The following YAE1 variants were observed in gnomAD, a reference collection of about 807,000 sequenced individuals.
YAE1 encodes the protein protein YAE1 homolog.
Under a neutral mutation model 23.0 loss-of-function variants are expected in YAE1, and 22 were observed. The observed-to-expected ratio is 0.96, with a 90% CI of 0.68 to 1.37. YAE1 has a LOEUF of 1.37. YAE1 is among the 40% of genes most tolerant of loss of function. The pLI is 0.00. For missense variants in YAE1, 260 were observed against 262.1 expected (o/e 0.99, Z 0.06); for synonymous variants, 101 against 97.0 (o/e 1.04, Z -0.24).
intron 2 of YAE1, among the ~76,000 whole-genome samples, chr7:39,598,363 C>T (rs1436940277): frequency 1.3e-5 from 2 of 150,892 alleles, no homozygotes; most frequent in Non-Finnish European, 2.9e-5. Context: ...ACCTGCCTCG[C>T]CTTCCAGAGT....
chr7:39,601,325 C>A (rs1237010444), intron 2 of YAE1, among the ~76,000 whole-genome samples: 2 of 152,102 alleles, frequency 1.3e-5, no homozygotes, highest in Non-Finnish European at 2.9e-5. Flanking sequence ...TTACTCAAGT[C>A]AAAATTCTGT....
chr7:39,592,962 C>T (rs1562594742), intron 2 of YAE1, among the ~76,000 whole-genome samples: 1 of 151,984 alleles, frequency 6.6e-6, no homozygotes, highest in Non-Finnish European at 1.5e-5. Flanking sequence ...CATATTTAAA[C>T]CTCTTAATGC....
At chr7:39,595,547 T>C (rs1790962009) in intron 2 of YAE1, among the ~76,000 whole-genome samples, 1 of 152,210 alleles carries the variant, frequency 6.6e-6, no homozygotes, top group Non-Finnish European at 1.5e-5. Flanking sequence ...ATACTACAAA[T>C]GGCTTTTAAA....
intron 2 of YAE1, among the ~76,000 whole-genome samples, chr7:39,603,036 A>G (rs1791075577): frequency 6.6e-6 from 1 of 152,266 alleles, no homozygotes; most frequent in Non-Finnish European, 1.5e-5. Flanking sequence ...GGCGTTAGCC[A>G]CTGTGCTAGG....
exon 3 of YAE1, chr7:39,609,621 T>C (rs1339204895): frequency 6.5e-6 from 10 of 1,534,140 alleles, no homozygotes; most frequent in South Asian, 1.2e-5. Flanking sequence ...AAACAGGAAC[T>C]CAACGGATTG....
intron 1 of YAE1, among the ~76,000 whole-genome samples, chr7:39,567,254 A>G (rs187213891): frequency 1.6e-4 from 24 of 152,308 alleles, no homozygotes; most frequent in Admixed American, 1.2e-3. Flanking sequence ...TTAATATTTC[A>G]GTAGAGTGGT....
chr7:39,598,889 C>CT (rs57463109), intron 2 of YAE1, among the ~76,000 whole-genome samples: 17 of 148,916 alleles, frequency 1.1e-4, no homozygotes, highest in East Asian at 7.8e-4. Context: ...AAAGGAAAGA[C>CT]TTTTTTTTTT....
chr7:39,607,730 A>G (rs1791151189), intron 2 of YAE1, among the ~76,000 whole-genome samples: 1 of 152,204 alleles, frequency 6.6e-6, no homozygotes, highest in East Asian at 1.9e-4. Flanking sequence ...GTGCAATGGC[A>G]CAATCTTGGC....
chr7:39,582,230 ACTG>A (rs1790753908), intron 2 of YAE1, among the ~76,000 whole-genome samples: 1 of 151,660 alleles, frequency 6.6e-6, no homozygotes, highest in Non-Finnish European at 1.5e-5. Flanking sequence ...ATAGGGCCTC[ACTG>A]TGTTGCCTGG....
intron 2 of YAE1, among the ~76,000 whole-genome samples, chr7:39,579,395 GTTTAC>G (rs1377586552): frequency 6.6e-6 from 1 of 152,144 alleles, no homozygotes; most frequent in Non-Finnish European, 1.5e-5. Flanking sequence ...TGAGCTATGT[GTTTAC>G]TTTGCTGTTA....
At chr7:39,588,201 C>G (rs193278713) in intron 2 of YAE1, among the ~76,000 whole-genome samples, 1 of 152,186 alleles carries the variant, frequency 6.6e-6, no homozygotes, top group Non-Finnish European at 1.5e-5. Flanking sequence ...GGCTTGAAAG[C>G]TTGACAAAGT....
intron 2 of YAE1, among the ~76,000 whole-genome samples, chr7:39,587,069 C>A (rs999249026): frequency 2.0e-5 from 3 of 149,068 alleles, no homozygotes; most frequent in Non-Finnish European, 3.0e-5. Context: ...TTCTTTCTTT[C>A]TTTTTCAGAT....
chr7:39,566,968 G>A (rs1392407050), intron 1 of YAE1: 3 of 154,864 alleles, frequency 1.9e-5, no homozygotes, highest in Non-Finnish European at 4.3e-5. Context: ...ATATTGAAAA[G>A]ATGAACTAAA....
In YAE1 at chr7:39,594,151, A is replaced by G. The variant is rs138210246; in HGVS notation, c.252-15466A>G. 2.2e-3 allele frequency among the ~76,000 whole-genome samples: 331 copies of G among 152,310 alleles called. 2 individuals carry two copies. Among genetic ancestry groups the G allele is most frequent in the African/African-American group, 7.3e-3 (305 of 41,574 alleles). ...GGGCAGTAGCTGAAATCTTTGTTCC[A>G]TTCTTTTAGCCATGTATGGGCTTCT... On this transcript the variant is annotated intron_variant, in intron 2 of 2. Transcript: ENST00000432096.
chr7:39,569,487 G>T lies in YAE1; in HGVS notation c.130-1019G>T. 3 of 492,532 alleles carry T rather than the reference G, an allele frequency of 6.1e-6. No individual in the cohort carries two copies. In the Middle Eastern group the frequency reaches 1.0e-3, roughly 167 times the overall value. The allele number at this position is 492,532 out of a possible 1,614,324, so 30.5% of individuals were successfully genotyped here. On this transcript the variant is annotated intron_variant, in intron 1 of 2. Transcript: ENST00000223273. ...TTCTTCTGAAACATCTTCTTTATCC[G>T]CCTCTTGTTCTTCCTCCAGTTTTTT...
At chr7:39,601,338 C>A (rs1224867898) in intron 2 of YAE1, among the ~76,000 whole-genome samples, 3 of 152,164 alleles carry the variant, frequency 2.0e-5, no homozygotes, top group Non-Finnish European at 4.4e-5. Flanking sequence ...AATTCTGTAA[C>A]CACCTTTAAT....
At chr7:39,609,149 A>G (rs1791169586) in intron 2 of YAE1, among the ~76,000 whole-genome samples, 1 of 152,218 alleles carries the variant, frequency 6.6e-6, no homozygotes, top group African/African-American at 2.4e-5. Context: ...GAATCACAGG[A>G]TAACTGTGCT....
chr7:39,573,752 T>C (rs1250874321), downstream of YAE1, among the ~76,000 whole-genome samples: 1 of 152,214 alleles, frequency 6.6e-6, no homozygotes, highest in Non-Finnish European at 1.5e-5. Flanking sequence ...CACTGTACTA[T>C]GACCCTCCTC....
chr7:39,593,842 G>A (rs1790939968), intron 2 of YAE1, among the ~76,000 whole-genome samples: 1 of 152,194 alleles, frequency 6.6e-6, no homozygotes, highest in Middle Eastern at 3.4e-3. Flanking sequence ...TACATCCTTA[G>A]GTATAGTTAC....
Sources: allele counts gnomAD v4.1 joint callset (sites outside exome capture counted in the v4.1 genomes callset), GRCh38; gene constraint gnomAD v4.1.1; transcripts MANE v1.5; gene names NCBI Gene and HGNC (gene_info 2026-07-23, HGNC 2026-07-21).